The following L3HYPDH variants were observed in gnomAD, a reference collection of about 807,000 sequenced individuals.
L3HYPDH encodes trans-L-3-hydroxyproline dehydratase.
Under a neutral mutation model 26.5 loss-of-function variants are expected in L3HYPDH, and 32 were observed. That is an observed-to-expected ratio of 1.21 (90% CI 0.91 to 1.62). The LOEUF is 1.62. L3HYPDH is among the 40% of genes most tolerant of loss of function. The pLI is 0.00. For synonymous variants in L3HYPDH, 215 were observed against 196.6 expected, an observed-to-expected ratio of 1.09 and a Z score of -0.78; for missense variants, 554 against 476.4, an observed-to-expected ratio of 1.16 and a Z score of -1.52.
At chr14:59,499,227 C>A in the L3HYPDH span, among the ~76,000 whole-genome samples, 1 of 151,560 alleles carries the variant, frequency 6.6e-6, no homozygotes, top group Non-Finnish European at 1.5e-5. Context: ...GGGGTTTCAC[C>A]ATGTTGGCCA....
intron 1 of L3HYPDH, among the ~76,000 whole-genome samples, chr14:59,483,295 C>A (rs10147234): frequency 0.25 from 38,429 of 152,078 alleles, 5,094 homozygotes; most frequent in South Asian, 0.4. Context: ...AAGCAACATT[C>A]GTATCTTAAT....
At chr14:59,503,627 G>T in the L3HYPDH span, among the ~76,000 whole-genome samples, 9 of 152,170 alleles carry the variant, frequency 5.9e-5, no homozygotes, top group African/African-American at 2.2e-4. Flanking sequence ...CGTAGCTTTC[G>T]TCTGGGTGCC....
chr14:59,479,216 G>A lies in L3HYPDH; in HGVS notation c.644C>T (p.Ala215Val). 1 of 1,610,706 alleles carries A rather than the reference G, an allele frequency of 6.2e-7. No individual in the cohort carries two copies. The highest frequency in any genetic ancestry group is 8.5e-7 in the Non-Finnish European group (1 of 1,179,318). ...CACTGCCTCTGTCACTGCACTCGCT[G>A]CATCCACAAGGTCCCTGGTCTTTGC... ...CSAKTRDLVD[A>V]ASAVTEAVKA... Residue 215 changes from alanine to valine, a missense_variant, in exon 2 of 5, where the codon GCA (alanine) becomes GTA (valine). Coordinates refer to ENST00000247194, the MANE Select transcript of L3HYPDH (RefSeq NM_144581.2).
At chr14:59,482,046 CAACA>C (rs1373538040) in intron 1 of L3HYPDH, among the ~76,000 whole-genome samples, 2 of 152,214 alleles carry the variant, frequency 1.3e-5, no homozygotes, top group African/African-American at 4.8e-5. Context: ...GTTACTCATT[CAACA>C]AACATTCATT....
upstream of L3HYPDH, chr14:59,485,241 A>G (rs1890444542): frequency 1.0e-6 from 1 of 991,872 alleles, no homozygotes; most frequent in Non-Finnish European, 1.4e-6. Context: ...TGTAAAGCCC[A>G]TACAGAAGTT....
At chr14:59,495,084 A>T in the L3HYPDH span, 3 of 1,613,592 alleles carry the variant, frequency 1.9e-6, no homozygotes, top group Non-Finnish European at 2.5e-6. Flanking sequence ...TTATCACCTT[A>T]CTTGTGAGTG....
At chr14:59,479,786 G>A (rs1889884560) in intron 1 of L3HYPDH, among the ~76,000 whole-genome samples, 1 of 152,144 alleles carries the variant, frequency 6.6e-6, no homozygotes, top group African/African-American at 2.4e-5. Flanking sequence ...TTCTTCAGCC[G>A]TAATGTCAAA....
At chr14:59,502,357 G>C in the L3HYPDH span, among the ~76,000 whole-genome samples, 4 of 152,128 alleles carry the variant, frequency 2.6e-5, no homozygotes, top group African/African-American at 4.8e-5. Flanking sequence ...AACTGTCTCA[G>C]ACTACCCATG....
the L3HYPDH span, among the ~76,000 whole-genome samples, chr14:59,493,218 G>A: frequency 1.3e-5 from 2 of 152,186 alleles, no homozygotes; most frequent in Non-Finnish European, 2.9e-5. Context: ...ATTCACACCT[G>A]CATGCATCAT....
At chr14:59,468,486 G>C (rs765509650), downstream of L3HYPDH, among the ~76,000 whole-genome samples, 6 of 151,962 alleles carry the variant, frequency 3.9e-5, no homozygotes, top group Non-Finnish European at 2.9e-5. Flanking sequence ...CCCCATCTTC[G>C]CGTTAAGGTT....
upstream of L3HYPDH, chr14:59,485,363 G>A (rs1287573850): frequency 2.5e-6 from 1 of 394,296 alleles, no homozygotes; most frequent in Non-Finnish European, 4.4e-6. Flanking sequence ...GCCCATTAAA[G>A]AGGCCAGTGG....
At chr14:59,498,652 C>A in the L3HYPDH span, 2 of 830,850 alleles carry the variant, frequency 2.4e-6, no homozygotes, top group Non-Finnish European at 3.7e-6. Context: ...TAGGCTCTTT[C>A]ATTTAAAAAT....
chr14:59,475,818 C>G, intron 4 of L3HYPDH, 51 bp downstream of exon 4: 3 of 1,545,998 alleles, frequency 1.9e-6, no homozygotes, highest in Non-Finnish European at 2.6e-6. Flanking sequence ...CAGGCCTCTC[C>G]AGTCTCATGA....
At chr14:59,502,501 A>G in the L3HYPDH span, among the ~76,000 whole-genome samples, 71,021 of 151,970 alleles carry the variant, frequency 0.47, 18,650 homozygotes, top group East Asian at 0.81. Flanking sequence ...TGAGTGGGGG[A>G]AAACATCTAG....
At chr14:59,482,999 C>T (rs1054021485) in intron 1 of L3HYPDH, among the ~76,000 whole-genome samples, 1 of 152,134 alleles carries the variant, frequency 6.6e-6, no homozygotes, top group Non-Finnish European at 1.5e-5. Flanking sequence ...TATAGAGATG[C>T]CCTGCTTTAC....
At chr14:59,504,187 A>G in the L3HYPDH span, 1 of 666,384 alleles carries the variant, frequency 1.5e-6, no homozygotes, top group East Asian at 2.7e-5. Context: ...TTGTCAGTAT[A>G]TCTTAATGTT....
the L3HYPDH span, chr14:59,504,280 ATAT>A: frequency 1.8e-6 from 1 of 547,976 alleles, no homozygotes; most frequent in Non-Finnish European, 3.2e-6. Flanking sequence ...ACACAGGGTA[ATAT>A]TATCTGCTAC....
At chr14:59,487,820 GA>G, upstream of L3HYPDH, 2 of 1,613,296 alleles carry the variant, frequency 1.2e-6, no homozygotes, top group Non-Finnish European at 8.5e-7. Flanking sequence ...GGTACTCGGG[GA>G]AAAAGAGGTT....
Position 59,484,025 on chromosome 14 carries a change from C to G in L3HYPDH, c.292G>C (p.Glu98Gln), listed in dbSNP as rs1890281735. 6.2e-7 allele frequency: 1 copy of G among 1,604,344 alleles called. No homozygotes were observed. Among genetic ancestry groups the G allele is most frequent in the Non-Finnish European group, 8.5e-7 (1 of 1,179,064 alleles). The change falls in exon 1 of 5, where the codon GAG (glutamate) becomes CAG (glutamine). Residue 98 changes from glutamate (E) to glutamine (Q), a missense_variant. Transcript: ENST00000247194. ...AHLGVLFLHNEGYSSMCGHAV... is the reference protein window; with the variant it reads ...AHLGVLFLHNQGYSSMCGHAV... The stretch of plus-strand genomic sequence containing the variant: ...TGGCCGCACATGGAGCTGTAGCCCT[C>G]GTTGTGCAGGAACAGGACGCCCAGA...
Sources: allele counts gnomAD v4.1 joint callset (sites outside exome capture counted in the v4.1 genomes callset), GRCh38; gene constraint gnomAD v4.1.1; transcripts MANE v1.5; gene names NCBI Gene and HGNC (gene_info 2026-07-23, HGNC 2026-07-21).